Variants in SLC35F4 observed in about 807,000 individuals in gnomAD.
SLC35F4 encodes chromosome 14 open reading frame 36.
In SLC35F4, 24 loss-of-function variants were observed where a neutral mutation model predicts 44.2. That is an observed-to-expected ratio of 0.54 (90% CI 0.39 to 0.76). SLC35F4 has a LOEUF of 0.76. Among genes scored for constraint, SLC35F4 ranks in the 30% least tolerant of loss-of-function variants. SLC35F4 has a pLI of 0.00. For synonymous variants in SLC35F4, 238 were observed against 223.6 expected, an observed-to-expected ratio of 1.06 and a Z score of -0.57; for missense variants, 562 against 586.1, an observed-to-expected ratio of 0.96 and a Z score of 0.42.
intron 1 of SLC35F4, among the ~76,000 whole-genome samples, chr14:57,844,417 T>A (rs927251): frequency 0.78 from 118,360 of 152,216 alleles, 47,088 homozygotes; most frequent in East Asian, 0.99. Context: ...TGAAGAGAAC[T>A]TTAGCAACAC....
At chr14:57,796,653 T>G (rs1340436005) in intron 1 of SLC35F4, among the ~76,000 whole-genome samples, 1 of 152,182 alleles carries the variant, frequency 6.6e-6, no homozygotes, top group African/African-American at 2.4e-5. Context: ...TTAAAAACAT[T>G]TATTTAAATT....
At chr14:57,788,098 A>T (rs1402511377) in intron 1 of SLC35F4, among the ~76,000 whole-genome samples, 2 of 152,214 alleles carry the variant, frequency 1.3e-5, no homozygotes, top group Non-Finnish European at 2.9e-5. Context: ...GCAAATGGAC[A>T]CCAAAACAAG....
At chr14:57,937,615 GAAAAGA>G (rs1391036701) in intron 1 of SLC35F4, among the ~76,000 whole-genome samples, 7 of 101,292 alleles carry the variant, frequency 6.9e-5, no homozygotes, top group Non-Finnish European at 1.2e-4. Context: ...GAAAAGAAAA[GAAAAGA>G]AAAGAAAAGA....
intron 1 of SLC35F4, among the ~76,000 whole-genome samples, chr14:57,655,796 A>T (rs1274203514): frequency 6.6e-6 from 1 of 152,154 alleles, no homozygotes; most frequent in Non-Finnish European, 1.5e-5. Flanking sequence ...CATGACTCAC[A>T]ACCAATTACC....
chr14:57,729,543 C>A (rs1032377238), intron 1 of SLC35F4, among the ~76,000 whole-genome samples: 1 of 152,094 alleles, frequency 6.6e-6, no homozygotes, highest in African/African-American at 2.4e-5. Context: ...GGAGCTAGGG[C>A]TTGGGATGGG....
At chr14:57,638,097 T>C (rs1882057761) in intron 1 of SLC35F4, among the ~76,000 whole-genome samples, 1 of 152,162 alleles carries the variant, frequency 6.6e-6, no homozygotes, top group Non-Finnish European at 1.5e-5. Flanking sequence ...TTTCTCTTTC[T>C]CTAGCAGCTA....
At chr14:57,720,545 G>A (rs1173035202) in intron 1 of SLC35F4, among the ~76,000 whole-genome samples, 2 of 152,006 alleles carry the variant, frequency 1.3e-5, no homozygotes, top group African/African-American at 4.8e-5. Context: ...TTTCTTCCTG[G>A]GTCAATCTTG....
chr14:57,648,735 T>C (rs78387755), intron 1 of SLC35F4, among the ~76,000 whole-genome samples: 20,255 of 152,254 alleles, frequency 0.13, 1,608 homozygotes, highest in East Asian at 0.22. Context: ...AAAAATAAAA[T>C]CTAAGCTTTA....
At chr14:57,646,682 C>G (rs991388014) in intron 1 of SLC35F4, among the ~76,000 whole-genome samples, 14 of 152,118 alleles carry the variant, frequency 9.2e-5, no homozygotes, top group Non-Finnish European at 1.5e-4. Flanking sequence ...TGTGTTTGCT[C>G]TTGCTTCTCT....
At position 57,938,556 on chromosome 14, in the gene SLC35F4, T is replaced by C. The variant is rs540562774; in HGVS notation, n.282+43357A>G. 2.3e-4 allele frequency among the ~76,000 whole-genome samples: 35 copies of C among 152,374 alleles called. 1 individual carries two copies. The highest frequency in any genetic ancestry group is 1.1e-3 in the Admixed American group (17 of 15,308). On this transcript the variant is annotated intron_variant and non_coding_transcript_variant, in intron 1 of 1. Coordinates refer to the SLC35F4 transcript ENST00000556568. Reference sequence around the variant, plus strand: ...TAAATATCACAGAATTATTGTCACATAAATGCAAAAGAAAAAATGTTAAGG... The same window carrying C: ...TAAATATCACAGAATTATTGTCACACAAATGCAAAAGAAAAAATGTTAAGG...
intron 1 of SLC35F4, among the ~76,000 whole-genome samples, chr14:57,926,805 C>A (rs998697141): frequency 6.6e-6 from 1 of 151,954 alleles, no homozygotes; most frequent in Non-Finnish European, 1.5e-5. Flanking sequence ...GACTCACACA[C>A]CCTTGGCCGA....
chr14:57,587,922 A>G lies in SLC35F4; in HGVS notation c.587+1294T>C, dbSNP rs2069883439. 2.6e-5 allele frequency among the ~76,000 whole-genome samples: 4 copies of G among 151,024 alleles called. No individual in the cohort carries two copies. In the South Asian group the frequency reaches 8.4e-4, roughly 32 times the overall value. ...TAGTTGAGGCCAGGCACGCTGGCTC[A>G]CGCCTGTAATCCCAGTACTTTGGGC... On this transcript the variant is annotated intron_variant, in intron 3 of 7. Transcript: ENST00000556826.
At chr14:57,873,089 G>A (rs958749164) in intron 1 of SLC35F4, among the ~76,000 whole-genome samples, 1 of 152,116 alleles carries the variant, frequency 6.6e-6, no homozygotes, top group Non-Finnish European at 1.5e-5. Context: ...TCAGTGATAC[G>A]GGCTGTATAA....
chr14:57,599,173 T>C (rs558827515), intron 1 of SLC35F4, among the ~76,000 whole-genome samples: 1 of 152,370 alleles, frequency 6.6e-6, no homozygotes, highest in Non-Finnish European at 1.5e-5. Flanking sequence ...ACTTTGTCTG[T>C]TTTCAACTCA....
At chr14:57,756,329 TTC>T (rs2140592656) in intron 1 of SLC35F4, among the ~76,000 whole-genome samples, 2 of 152,288 alleles carry the variant, frequency 1.3e-5, no homozygotes, top group South Asian at 4.1e-4. Context: ...ATCTATGGTT[TTC>T]TTTTTTTAGA....
chr14:57,593,656 G>C (rs2070324651), intron 2 of SLC35F4, among the ~76,000 whole-genome samples: 1 of 152,226 alleles, frequency 6.6e-6, no homozygotes, highest in African/African-American at 2.4e-5. Flanking sequence ...TTGAAGATGA[G>C]AAAACTACCT....
intron 1 of SLC35F4, among the ~76,000 whole-genome samples, chr14:57,768,621 A>T (rs1380523922): frequency 6.6e-6 from 1 of 152,388 alleles, no homozygotes; most frequent in East Asian, 1.9e-4. Context: ...TTAATAGCAG[A>T]TCACAATTTC....
At chr14:57,722,948 G>A (rs1450959808) in intron 1 of SLC35F4, among the ~76,000 whole-genome samples, 2 of 152,150 alleles carry the variant, frequency 1.3e-5, no homozygotes, top group African/African-American at 2.4e-5. Context: ...CTATACTTCT[G>A]ACAATTTATA....
chr14:57,675,290 C>T (rs1249675141), intron 1 of SLC35F4, among the ~76,000 whole-genome samples: 3 of 151,874 alleles, frequency 2.0e-5, no homozygotes, highest in Admixed American at 6.6e-5. Flanking sequence ...TATTGAACTC[C>T]GGGAAATGAT....
Sources: gnomAD v4.1 joint callset for allele counts (sites outside exome capture counted in the v4.1 genomes callset) on GRCh38, gnomAD v4.1.1 for gene constraint, MANE v1.5 for transcripts, NCBI Gene and HGNC (gene_info 2026-07-23, HGNC 2026-07-21) for gene names.